TIGAR: variants seen among roughly 807,000 people sequenced by gnomAD.
TIGAR encodes fructose-2,6-bisphosphatase TIGAR.
A neutral mutation model predicts 17.9 loss-of-function variants in TIGAR; 7 were observed. The ratio of observed to expected loss-of-function variants is 0.39; its 90% confidence interval spans 0.22 to 0.73. The LOEUF (loss-of-function observed/expected upper bound fraction) is 0.73. Among genes scored for constraint, TIGAR ranks in the 30% least tolerant of loss-of-function variants. TIGAR has a pLI of 0.42. For synonymous variants in TIGAR, 94 were observed against 108.6 expected (o/e 0.87, Z 0.84); for missense variants, 258 against 327.4 (o/e 0.79, Z 1.64).
At chr12:4,349,543 G>A (rs998784505) in intron 3 of TIGAR, among the ~76,000 whole-genome samples, 8 of 151,492 alleles carry the variant, frequency 5.3e-5, no homozygotes, top group African/African-American at 9.7e-5. Flanking sequence ...TCAGCCTCCC[G>A]AGTAGCTGGA....
At chr12:4,351,464 C>T in intron 5 of TIGAR, 87 bp downstream of exon 5, 1 of 1,018,524 alleles carries the variant, frequency 9.8e-7, no homozygotes. Flanking sequence ...TTGAAAGTTG[C>T]TTGGTTCATT....
At chr12:4,348,607 A>C (rs1478230687) in intron 3 of TIGAR, among the ~76,000 whole-genome samples, 1 of 152,266 alleles carries the variant, frequency 6.6e-6, no homozygotes, top group Non-Finnish European at 1.5e-5. Context: ...ATGAAAAAGA[A>C]GGAAAATAAT....
In TIGAR at chr12:4,333,496, G is replaced by A. The variant is rs1398275278; in HGVS notation, c.70+2179G>A. ...ATTTATTTATTTATTTTGAGACGGA[G>A]TCTCACTCTGTTGCCCAGGCTGGAG... On this transcript the variant is annotated intron_variant, in intron 2 of 5. Transcript: ENST00000179259. Among the ~76,000 whole-genome samples the A allele has an allele frequency of 2.0e-5, 3 of 151,836 alleles. No individual in the cohort carries two copies. In the East Asian group the frequency reaches 5.8e-4, roughly 29 times the overall value.
intron 2 of TIGAR, among the ~76,000 whole-genome samples, chr12:4,336,287 C>G (rs527821896): frequency 1.3e-5 from 2 of 152,322 alleles, no homozygotes; most frequent in East Asian, 1.9e-4. Flanking sequence ...CTTGCCGTCC[C>G]CTCCAGCAGG....
chr12:4,352,359 T>G lies in TIGAR; in HGVS notation c.481T>G (p.Cys161Gly). Residue 161 changes from cysteine to glycine, a missense_variant, in exon 6 of 6, where the codon TGT (cysteine) becomes GGT (glycine). Cys to Gly is a radical substitution (Grantham distance 159). Transcript: ENST00000179259. ...GTTTTCCCAAGGATCTCCAAGCAAC[T>G]GTCTGGAAACTTCTTTGGCAGAGAT... is the stretch of plus-strand genomic sequence containing the variant. ...EQFSQGSPSNCLETSLAEIFP... is the reference protein window; with the variant it reads ...EQFSQGSPSNGLETSLAEIFP... 1 of 1,614,194 alleles carries G rather than the reference T, an allele frequency of 6.2e-7. No homozygotes were observed. The highest frequency in any genetic ancestry group is 1.3e-5 in the African/African-American group (1 of 75,070).
intron 5 of TIGAR, among the ~76,000 whole-genome samples, chr12:4,351,788 G>A (rs891310220): frequency 1.1e-4 from 16 of 152,284 alleles, no homozygotes; most frequent in South Asian, 8.3e-4. Flanking sequence ...GTTCTGCTTC[G>A]AATTGCATAT....
intron 4 of TIGAR, 104 bp downstream of exon 4, chr12:4,350,000 A>C (rs1041880151): frequency 1.4e-6 from 1 of 739,168 alleles, no homozygotes; most frequent in Non-Finnish European, 2.2e-6. Context: ...AGGGATTTCG[A>C]ATCAGTGAAA....
At chr12:4,325,256 A>G (rs1864532129) in intron 1 of TIGAR, among the ~76,000 whole-genome samples, 1 of 130,774 alleles carries the variant, frequency 7.6e-6, no homozygotes, top group Non-Finnish European at 1.6e-5. Flanking sequence ...TAGTAAAGTT[A>G]CTGATAGCAA....
intron 1 of TIGAR, chr12:4,324,864 T>C (rs1864525548): frequency 2.2e-6 from 1 of 465,104 alleles, no homozygotes; most frequent in African/African-American, 2.0e-5. Context: ...CTCGTAAAGC[T>C]TTAAAATTTT....
Position 4,357,829 on chromosome 12 carries a change from C to T in TIGAR, c.*5138C>T, listed in dbSNP as rs1039706824. ...CCAAGCAATCGCTGAGGTGGCTGGG[C>T]GTGGTGGCTCGCACCTGTAATCCCA... On this transcript the variant is annotated 3_prime_UTR_variant, in exon 6 of 6. Coordinates refer to ENST00000179259, the MANE Select transcript of TIGAR (RefSeq NM_020375.3). Among the ~76,000 whole-genome samples the T allele has an allele frequency of 4.6e-5, 7 of 152,152 alleles. No homozygotes were observed. The highest frequency in any genetic ancestry group is 7.2e-5 in the African/African-American group (3 of 41,428).
chr12:4,355,217 T>C lies in TIGAR; in HGVS notation c.*2526T>C, dbSNP rs984902722. On this transcript the variant is annotated 3_prime_UTR_variant, in exon 6 of 6. Transcript: ENST00000179259. The stretch of plus-strand genomic sequence containing the variant: ...TCTTGAAATTGAAATTTGCTTTTTA[T>C]AGTATAAGGTAAGAATTTAATTTTT... 6.6e-6 allele frequency among the ~76,000 whole-genome samples: 1 copy of C among 152,170 alleles called. No homozygotes were observed. Among genetic ancestry groups the C allele is most frequent in the East Asian group, 1.9e-4 (1 of 5,200 alleles).
At chr12:4,347,909 G>T (rs1864798354) in intron 3 of TIGAR, among the ~76,000 whole-genome samples, 1 of 152,176 alleles carries the variant, frequency 6.6e-6, no homozygotes, top group African/African-American at 2.4e-5. Context: ...GCCGAAGCGG[G>T]AAGATCACTT....
Position 4,358,058 on chromosome 12 carries a change from C to A in TIGAR, c.*5367C>A, listed in dbSNP as rs1203896953. 6.7e-6 allele frequency among the ~76,000 whole-genome samples: 1 copy of A among 148,578 alleles called. No individual in the cohort carries two copies. The highest frequency in any genetic ancestry group is 1.5e-5 in the Non-Finnish European group (1 of 67,552). ...GGTGGAGCTTGCAGTGAGCCAAGGT[C>A]GCGCCACTGCACTGCAGCCTGGGTG... On this transcript the variant is annotated 3_prime_UTR_variant, in exon 6 of 6. Transcript: ENST00000179259.
At chr12:4,326,100 TA>T (rs751742847) in intron 1 of TIGAR, among the ~76,000 whole-genome samples, 6 of 152,238 alleles carry the variant, frequency 3.9e-5, no homozygotes, top group Non-Finnish European at 7.3e-5. Flanking sequence ...TGTATATTTG[TA>T]GGGCCTATAA....
chr12:4,341,962 C>G (rs1433749933), intron 3 of TIGAR, among the ~76,000 whole-genome samples: 2 of 152,142 alleles, frequency 1.3e-5, no homozygotes, highest in Non-Finnish European at 2.9e-5. Context: ...AGTTCGAACC[C>G]ATTGCAAAGA....
chr12:4,336,926 AAAAAT>A lies in TIGAR; in HGVS notation c.71-112_71-108del, dbSNP rs1864666421. ...GAAAAGTTACGTGGAAGAGTACTTA[AAAAAT>A]CTTTCATTAAAATTTAGATAAATGC... is the stretch of plus-strand genomic sequence containing the variant. On this transcript the variant is annotated intron_variant, in intron 2 of 5. Coordinates refer to ENST00000179259, the MANE Select transcript of TIGAR (RefSeq NM_020375.3). The A allele has an allele frequency of 2.4e-6, 3 of 1,258,228 alleles. No homozygotes were observed. The African/African-American group carries it at 4.6e-5, about 19-fold the overall frequency. The allele number at this position is 1,258,228 out of a possible 1,614,324, so 77.9% of individuals were successfully genotyped here. A position where few individuals can be genotyped will look rare whatever the true frequency, so the allele number is the denominator to read the frequency against.
At chr12:4,323,039 G>A (rs1159303002) in intron 1 of TIGAR, among the ~76,000 whole-genome samples, 1 of 151,342 alleles carries the variant, frequency 6.6e-6, no homozygotes. Context: ...GCGGAAGTGG[G>A]TGGATCCCTT....
chr12:4,334,510 C>T (rs1864637926), intron 2 of TIGAR, among the ~76,000 whole-genome samples: 2 of 152,176 alleles, frequency 1.3e-5, no homozygotes, highest in African/African-American at 4.8e-5. Context: ...ATATTAATAT[C>T]CCCTCTTCCA....
At chr12:4,345,332 G>A (rs1864768015) in intron 3 of TIGAR, among the ~76,000 whole-genome samples, 1 of 152,116 alleles carries the variant, frequency 6.6e-6, no homozygotes, top group South Asian at 2.1e-4. Context: ...CAAAGCTGGA[G>A]GCATCACGCT....
Sources: gnomAD v4.1 joint callset for allele counts (sites outside exome capture counted in the v4.1 genomes callset) on GRCh38, gnomAD v4.1.1 for gene constraint, MANE v1.5 for transcripts, NCBI Gene and HGNC (gene_info 2026-07-23, HGNC 2026-07-21) for gene names.